The following LZTFL1 variants were observed in gnomAD, a reference collection of about 807,000 sequenced individuals.
LZTFL1 encodes leucine zipper transcription factor-like protein 1.
In LZTFL1, 25 loss-of-function variants were observed where a neutral mutation model predicts 45.9. The ratio of observed to expected loss-of-function variants is 0.54; its 90% confidence interval spans 0.40 to 0.76. The LOEUF (loss-of-function observed/expected upper bound fraction) is 0.76, where lower values mean the gene tolerates loss of function less well. Among genes scored for constraint, LZTFL1 ranks in the 30% least tolerant of loss-of-function variants. The pLI is 0.00. For missense variants in LZTFL1, 277 were observed against 331.1 expected (o/e 0.84, Z 1.27); for synonymous variants, 93 against 117.4 (o/e 0.79, Z 1.35).
chr3:45,884,316 G>C (rs1411263657), intron 2 of LZTFL1, among the ~76,000 whole-genome samples: 1 of 152,202 alleles, frequency 6.6e-6, no homozygotes, highest in Non-Finnish European at 1.5e-5. Context: ...ACCTAAACTA[G>C]ATTGCAGCAA....
intron 2 of LZTFL1, among the ~76,000 whole-genome samples, chr3:45,891,660 C>T (rs1702183795): frequency 6.6e-6 from 1 of 152,090 alleles, no homozygotes; most frequent in African/African-American, 2.4e-5. Flanking sequence ...TATTGTAATG[C>T]CCTTAATTTC....
intron 2 of LZTFL1, among the ~76,000 whole-genome samples, chr3:45,903,745 TG>T (rs1030115712): frequency 9.2e-5 from 14 of 152,024 alleles, no homozygotes; most frequent in Non-Finnish European, 1.9e-4. Flanking sequence ...GGGCAGTGGG[TG>T]GGAAGAAAAC....
chr3:45,871,027 G>A (rs1176885338), intron 2 of LZTFL1, among the ~76,000 whole-genome samples: 1 of 152,174 alleles, frequency 6.6e-6, no homozygotes, highest in East Asian at 1.9e-4. Context: ...GTTAGTACAT[G>A]TAGATCCACA....
intron 2 of LZTFL1, among the ~76,000 whole-genome samples, chr3:45,869,138 A>C (rs1296818184): frequency 6.6e-6 from 1 of 152,206 alleles, no homozygotes; most frequent in Non-Finnish European, 1.5e-5. Flanking sequence ...GTGCATGGGC[A>C]GGAAGGGATG....
At position 45,915,183 on chromosome 3, in the gene LZTFL1, C is replaced by T. The variant is rs141495338; in HGVS notation, c.-273+238G>A. On this transcript the variant is annotated intron_variant, in intron 1 of 4. Transcript: ENST00000472635. ...ATGCATGGGGCAGCTTCAGCCACAC[C>T]GACACCGTCATTTCTCACTGCCCCT... 2.4e-3 allele frequency among the ~76,000 whole-genome samples: 359 copies of T among 152,286 alleles called. 2 individuals are homozygous for T. Among genetic ancestry groups the T allele is most frequent in the Non-Finnish European group, 3.8e-3 (260 of 68,016 alleles).
Position 45,901,571 on chromosome 3 carries a change from C to T in LZTFL1, c.-215+11549G>A, listed in dbSNP as rs759541158. On this transcript the variant is annotated intron_variant, in intron 2 of 4. Transcript: ENST00000472635. This position sits in a 1 kb window ranked among gnomAD's most constrained non-coding sequence, Gnocchi z 4.3. ...TAAAAGTGACCATCACTGTCCTGACCGTCTTTGTCTTGTCTCAGTTTCCCT... is the reference window on the plus strand; with the variant it reads ...TAAAAGTGACCATCACTGTCCTGACTGTCTTTGTCTTGTCTCAGTTTCCCT... 1.2e-5 allele frequency: 19 copies of T among 1,614,038 alleles called. No homozygotes were observed. The highest frequency in any genetic ancestry group is 4.5e-5 in the East Asian group (2 of 44,890).
At position 45,900,229 on chromosome 3, in the gene LZTFL1, G is replaced by T. The variant is rs1331975776; in HGVS notation, c.-215+12891C>A. 3.9e-5 allele frequency among the ~76,000 whole-genome samples: 6 copies of T among 152,112 alleles called. No homozygotes were observed. Among genetic ancestry groups the T allele is most frequent in the Non-Finnish European group, 7.4e-5 (5 of 68,006 alleles). On this transcript the variant is annotated intron_variant, in intron 2 of 4. Coordinates refer to the LZTFL1 transcript ENST00000472635. This position sits in a 1 kb window ranked among gnomAD's most constrained non-coding sequence, Gnocchi z 4.7. ...AACTATAGAGCAGGTCATGGTGCTTGTGTGTGTATGTAGGGTTGAGAGTGT... is the reference window on the plus strand; with the variant it reads ...AACTATAGAGCAGGTCATGGTGCTTTTGTGTGTATGTAGGGTTGAGAGTGT...
intron 2 of LZTFL1, among the ~76,000 whole-genome samples, chr3:45,883,067 G>T (rs1307977032): frequency 6.6e-6 from 1 of 152,044 alleles, no homozygotes; most frequent in Non-Finnish European, 1.5e-5. Context: ...AGCATTCCAA[G>T]CTTTTCTTCC....
intron 2 of LZTFL1, among the ~76,000 whole-genome samples, chr3:45,878,117 A>G (rs1701784747): frequency 6.6e-6 from 1 of 152,222 alleles, no homozygotes; most frequent in Non-Finnish European, 1.5e-5. Flanking sequence ...TACATGGTGG[A>G]AAGATTAAAT....
rs192546544 is a variant in LZTFL1 at position 45,883,502 on chromosome 3, C to T, written c.-214-24486G>A. 1.1e-4 allele frequency: 24 copies of T among 209,068 alleles called. No homozygotes were observed. In the South Asian group the frequency reaches 3.7e-3, roughly 33 times the overall value. 13.0% of individuals were successfully genotyped at this position (209,068 alleles called of 1,614,324 possible). On this transcript the variant is annotated intron_variant, in intron 2 of 4. Transcript: ENST00000472635. ...TCAAAGCTTAAATTCTGAAAATAGT[C>T]TGGTGATTAAGAGAAGATGGCTGTC... is the stretch of plus-strand genomic sequence containing the variant.
At chr3:45,862,841 A>G (rs527939143) in intron 2 of LZTFL1, among the ~76,000 whole-genome samples, 1 of 152,352 alleles carries the variant, frequency 6.6e-6, no homozygotes, top group Admixed American at 6.5e-5. Context: ...ATTCTCCCAT[A>G]TCTTGAAGAT....
At chr3:45,883,189 GA>G (rs1701892717) in intron 2 of LZTFL1, among the ~76,000 whole-genome samples, 1 of 152,142 alleles carries the variant, frequency 6.6e-6, no homozygotes, top group Non-Finnish European at 1.5e-5. Flanking sequence ...GGAAGTTTTT[GA>G]AAATTAAACA....
rs757071795 is a variant in LZTFL1, at chr3:45,828,535, A to C, written c.681T>G (p.Asn227Lys). The change falls in exon 8 of 10, where the codon AAT becomes AAG. Residue 227 changes from asparagine (N) to lysine (K), a missense_variant. Transcript: ENST00000296135. Reference sequence around the variant, plus strand: ...GTGACTTCTGGTTTTCTGTCTTGTCATTAAGTGTCTTCTGAAACTCACTCT... The same window carrying C: ...GTGACTTCTGGTTTTCTGTCTTGTCCTTAAGTGTCTTCTGAAACTCACTCT... ...ALKSEFQKTL[N>K]DKTENQKSLE... 4.3e-6 allele frequency: 7 copies of C among 1,614,052 alleles called. No individual in the cohort carries two copies. The East Asian group carries it at 1.1e-4, about 26-fold the overall frequency.
chr3:45,893,894 T>C (rs1482951809), intron 2 of LZTFL1, among the ~76,000 whole-genome samples: 1 of 152,204 alleles, frequency 6.6e-6, no homozygotes, highest in Non-Finnish European at 1.5e-5. Flanking sequence ...TACCACACAT[T>C]ATGCATTGGA....
At position 45,901,855 on chromosome 3, in the gene LZTFL1, C is replaced by T. The variant is rs1339291063; in HGVS notation, c.-215+11265G>A. ...AGGAGAGAGGGAAGCTTGAAGCTGT[C>T]GTCTATGTTGCTGGAGACAACCTCA... On this transcript the variant is annotated intron_variant, in intron 2 of 4. Transcript: ENST00000472635. The surrounding 1 kb of genome is among the most constrained non-coding windows in gnomAD (Gnocchi z 4.3). 39 of 1,610,076 alleles carry T rather than the reference C, an allele frequency of 2.4e-5. No individual in the cohort carries two copies. Among genetic ancestry groups the T allele is most frequent in the Non-Finnish European group, 3.1e-5 (36 of 1,176,848 alleles).
intron 2 of LZTFL1, among the ~76,000 whole-genome samples, chr3:45,863,710 T>C (rs1701532276): frequency 6.6e-6 from 1 of 152,124 alleles, no homozygotes; most frequent in African/African-American, 2.4e-5. Flanking sequence ...ATGACACCAC[T>C]GGCAAGCAAT....
intron 7 of LZTFL1, among the ~76,000 whole-genome samples, chr3:45,829,649 A>G (rs1294572021): frequency 1.5e-5 from 2 of 130,820 alleles, no homozygotes; most frequent in African/African-American, 5.3e-5. Context: ...CAACAGAAGA[A>G]AAAAAAAATC....
chr3:45,833,280 G>A (rs1700879683), intron 4 of LZTFL1, among the ~76,000 whole-genome samples, 159 bp from the exon 5 acceptor site: 1 of 152,108 alleles, frequency 6.6e-6, no homozygotes, highest in Non-Finnish European at 1.5e-5. Context: ...TTCATCCTTT[G>A]TTACTCCCAG....
At chr3:45,877,382 C>T (rs529278082) in intron 2 of LZTFL1, among the ~76,000 whole-genome samples, 181 of 151,800 alleles carry the variant, frequency 1.2e-3, no homozygotes, top group African/African-American at 4.0e-3. Context: ...TACAGGCACA[C>T]GCCACCACGC....
Sources: allele counts gnomAD v4.1 joint callset (sites outside exome capture counted in the v4.1 genomes callset), GRCh38; gene constraint gnomAD v4.1.1; non-coding constraint Gnocchi (gnomAD v3.1); transcripts MANE v1.5; gene names NCBI Gene and HGNC (gene_info 2026-07-23, HGNC 2026-07-21).